Variants in HPSE2 observed in about 807,000 individuals in gnomAD.
HPSE2 encodes inactive heparanase-2.
A neutral mutation model predicts 60.5 loss-of-function variants in HPSE2; 38 were observed. The ratio of observed to expected loss-of-function variants is 0.63; its 90% CI spans 0.48 to 0.82. The LOEUF (loss-of-function observed/expected upper bound fraction) is 0.82. HPSE2 is among the 40% of genes least tolerant of loss of function. The pLI is 0.00. For synonymous variants in HPSE2, 295 were observed against 293.2 expected (o/e 1.01, Z -0.06); for missense variants, 713 against 740.4 (o/e 0.96, Z 0.43).
intron 7 of HPSE2, among the ~76,000 whole-genome samples, chr10:98,634,782 G>A (rs1946452990): frequency 6.6e-6 from 1 of 152,166 alleles, no homozygotes; most frequent in Non-Finnish European, 1.5e-5. Context: ...GATAACAAAT[G>A]AATAATCATG....
intron 3 of HPSE2, among the ~76,000 whole-genome samples, chr10:98,879,814 T>C (rs2134873981): frequency 6.6e-6 from 1 of 151,710 alleles, no homozygotes; most frequent in Non-Finnish European, 1.5e-5. Context: ...TGACAGTTTT[T>C]TAGTTAATAC....
At position 98,943,079 on chromosome 10, in the gene HPSE2, T is replaced by G. The variant is rs1448751012; in HGVS notation, c.611-199023A>C. ...GGGAACATCACACTCTGGGGACTGT[T>G]GTGGGGTGGGGGGAGGGGGGAGGGA... On this transcript the variant is annotated intron_variant, in intron 3 of 11. Coordinates refer to ENST00000370552, the MANE Select transcript of HPSE2 (RefSeq NM_021828.5). Among the ~76,000 whole-genome samples, 6 of 92,164 alleles carry G rather than the reference T, an allele frequency of 6.5e-5. No homozygotes were observed. In the East Asian group the frequency reaches 2.3e-3, roughly 36 times the overall value. 60.5% of individuals were successfully genotyped at this position (92,164 alleles called of 152,430 possible). A position where few individuals can be genotyped will look rare whatever the true frequency, so the allele number is the denominator to read the frequency against.
intron 3 of HPSE2, among the ~76,000 whole-genome samples, chr10:98,830,645 A>C (rs968032252): frequency 6.6e-6 from 1 of 152,224 alleles, no homozygotes; most frequent in African/African-American, 2.4e-5. Flanking sequence ...AAGACTCCCA[A>C]CATTATGAAA....
chr10:99,013,887 AAT>A, intron 3 of HPSE2: 1 of 406,000 alleles, frequency 2.5e-6, no homozygotes, highest in Non-Finnish European at 5.0e-6. Context: ...TATCCAGCCC[AAT>A]AATGATACTT....
intron 3 of HPSE2, among the ~76,000 whole-genome samples, chr10:98,756,892 C>T (rs971254077): frequency 6.6e-6 from 1 of 152,014 alleles, no homozygotes; most frequent in African/African-American, 2.4e-5. Flanking sequence ...AAACTTTAGG[C>T]CAATGTCTCT....
the HPSE2 span, among the ~76,000 whole-genome samples, chr10:99,288,442 GA>G: frequency 6.6e-6 from 1 of 151,938 alleles, no homozygotes; most frequent in Non-Finnish European, 1.5e-5. Context: ...AATTATCCCA[GA>G]ATAAAAAGAA....
intron 9 of HPSE2, among the ~76,000 whole-genome samples, chr10:98,527,297 T>TGG (rs1248374648): frequency 1.3e-5 from 2 of 152,200 alleles, no homozygotes; most frequent in Non-Finnish European, 2.9e-5. Flanking sequence ...TTGTAAAGTT[T>TGG]CTTTATTGGC....
At chr10:99,025,482 A>G (rs190342878) in intron 3 of HPSE2, among the ~76,000 whole-genome samples, 218 of 152,286 alleles carry the variant, frequency 1.4e-3, no homozygotes, top group Non-Finnish European at 2.6e-3. Context: ...GAATAAAGAA[A>G]ATGTGGTACA....
chr10:98,593,248 A>T (rs1945138727), intron 9 of HPSE2, among the ~76,000 whole-genome samples: 1 of 152,212 alleles, frequency 6.6e-6, no homozygotes, highest in African/African-American at 2.4e-5. Flanking sequence ...ATCAGGGAAT[A>T]TGGAAATATG....
intron 3 of HPSE2, among the ~76,000 whole-genome samples, chr10:98,750,110 C>A (rs986891479): frequency 2.0e-5 from 3 of 151,302 alleles, no homozygotes; most frequent in African/African-American, 7.3e-5. Flanking sequence ...ATAAGCATCA[C>A]AATTAAGGTG....
At chr10:99,017,531 C>T (rs11189934) in intron 3 of HPSE2, among the ~76,000 whole-genome samples, 7,584 of 151,928 alleles carry the variant, frequency 0.05, 639 homozygotes, top group African/African-American at 0.17. Flanking sequence ...AGGATGATGC[C>T]GGCCTTATAG....
the HPSE2 span, among the ~76,000 whole-genome samples, chr10:99,262,405 C>T: frequency 6.6e-6 from 1 of 152,148 alleles, no homozygotes; most frequent in African/African-American, 2.4e-5. Context: ...ACTACAGCCA[C>T]ACCTCACTGC....
In HPSE2 at chr10:99,096,113, T is replaced by C. The variant is rs1843710090; in HGVS notation, c.610+48125A>G. ...CTTCATAAAGTTCATATATTCCTTT[T>C]CAAAACGAAATTGAGATCATTCAGC... On this transcript the variant is annotated intron_variant, in intron 3 of 11. Coordinates refer to ENST00000370552, the MANE Select transcript of HPSE2 (RefSeq NM_021828.5). Among the ~76,000 whole-genome samples, 8 of 152,330 alleles carry C rather than the reference T, an allele frequency of 5.3e-5. No individual in the cohort carries two copies. In the South Asian group the frequency reaches 1.7e-3, roughly 32 times the overall value.
chr10:98,889,184 G>C (rs1953260034), intron 3 of HPSE2, among the ~76,000 whole-genome samples: 1 of 133,394 alleles, frequency 7.5e-6, no homozygotes, highest in African/African-American at 2.9e-5. Context: ...ACTAGATTTT[G>C]CTTTGTTTTT....
intron 3 of HPSE2, among the ~76,000 whole-genome samples, chr10:98,760,891 A>C (rs1169020523): frequency 6.6e-6 from 1 of 152,090 alleles, no homozygotes; most frequent in East Asian, 1.9e-4. Flanking sequence ...TTTGAGAAGG[A>C]ATGGTATTAA....
intron 3 of HPSE2, chr10:99,048,170 T>G: frequency 1.4e-6 from 1 of 714,766 alleles, no homozygotes; most frequent in South Asian, 1.5e-5. Context: ...GATTGCTTGA[T>G]CTCTCGGTAA....
chr10:98,735,644 TC>T (rs1949338599), intron 4 of HPSE2, among the ~76,000 whole-genome samples: 2 of 152,230 alleles, frequency 1.3e-5, no homozygotes, highest in South Asian at 4.2e-4. Context: ...CGGGAACCCA[TC>T]TTTTGCATTG....
chr10:98,550,304 G>A (rs1031113289), intron 9 of HPSE2, among the ~76,000 whole-genome samples: 2 of 138,410 alleles, frequency 1.4e-5, no homozygotes, highest in East Asian at 2.1e-4. Flanking sequence ...TTTTTTTTTC[G>A]AGATGGGTTC....
intron 9 of HPSE2, among the ~76,000 whole-genome samples, chr10:98,511,235 C>T (rs540552370): frequency 2.3e-3 from 354 of 151,842 alleles, no homozygotes; most frequent in Non-Finnish European, 2.8e-3. Flanking sequence ...ACTGCAACCT[C>T]TGCCTCCCAG....
Sources: gnomAD v4.1 joint callset for allele counts (sites outside exome capture counted in the v4.1 genomes callset) on GRCh38, gnomAD v4.1.1 for gene constraint, MANE v1.5 for transcripts, NCBI Gene and HGNC (gene_info 2026-07-23, HGNC 2026-07-21) for gene names.